JKAMP: variants seen among roughly 807,000 people sequenced by gnomAD.
The protein encoded by JKAMP is JNK1/MAPK8 associated membrane protein.
In JKAMP, 20 loss-of-function variants were observed where a neutral mutation model predicts 40.2. That is an observed-to-expected ratio of 0.50 (90% confidence interval 0.35 to 0.72). The LOEUF (loss-of-function observed/expected upper bound fraction) is 0.72, where lower values mean the gene tolerates loss of function less well. Among genes scored for constraint, JKAMP ranks in the 30% least tolerant of loss-of-function variants. JKAMP has a pLI of 0.01. For synonymous variants in JKAMP, 138 were observed against 131.6 expected (o/e 1.05, Z -0.33); for missense variants, 276 against 373.0 (o/e 0.74, Z 2.14).
intron 2 of JKAMP, chr14:59,487,404 T>C (rs1334120242): frequency 1.1e-5 from 3 of 265,530 alleles, no homozygotes; most frequent in African/African-American, 6.6e-5. Context: ...GTTATTCTTA[T>C]ATAATGTTAA....
intron 3 of JKAMP, among the ~76,000 whole-genome samples, chr14:59,488,140 C>A (rs1034584977): frequency 6.6e-6 from 1 of 151,854 alleles, no homozygotes; most frequent in Non-Finnish European, 1.5e-5. Flanking sequence ...TGTTATGGAA[C>A]ACATTCTTTG....
intron 4 of JKAMP, among the ~76,000 whole-genome samples, chr14:59,497,805 C>T (rs139626923): frequency 1.4e-3 from 216 of 152,250 alleles, no homozygotes; most frequent in African/African-American, 5.0e-3. Context: ...CATAGGAACA[C>T]AGGATTATGG....
At chr14:59,487,485 T>C in intron 2 of JKAMP, 189 bp from the exon 3 acceptor site, 1 of 463,422 alleles carries the variant, frequency 2.2e-6, no homozygotes, top group Non-Finnish European at 3.8e-6. Flanking sequence ...CTAAGAGCAT[T>C]GTACAAATAT....
intron 1 of JKAMP, chr14:59,485,245 A>G: frequency 1.1e-6 from 1 of 935,844 alleles, no homozygotes; most frequent in South Asian, 1.8e-5. Flanking sequence ...AAGCCCATAC[A>G]GAAGTTTCCA....
At chr14:59,487,875 A>G in intron 3 of JKAMP, 47 bp downstream of exon 3, 5 of 1,542,562 alleles carry the variant, frequency 3.2e-6, no homozygotes, top group Non-Finnish European at 4.5e-6. Context: ...ATGTTGGAAT[A>G]ATTATCACTC....
intron 3 of JKAMP, among the ~76,000 whole-genome samples, chr14:59,492,811 T>C (rs1017832176): frequency 6.6e-6 from 1 of 151,454 alleles, no homozygotes; most frequent in Non-Finnish European, 1.5e-5. Flanking sequence ...TTTTTTTTTT[T>C]TTTTTGAGAC....
At chr14:59,486,138 T>G (rs1162804715) in intron 1 of JKAMP, among the ~76,000 whole-genome samples, 1 of 152,208 alleles carries the variant, frequency 6.6e-6, no homozygotes, top group African/African-American at 2.4e-5. Context: ...ACAGCCTTGA[T>G]GAAATTTTCA....
intron 4 of JKAMP, among the ~76,000 whole-genome samples, chr14:59,496,486 T>C (rs1307178249): frequency 1.3e-5 from 2 of 152,172 alleles, no homozygotes; most frequent in East Asian, 1.9e-4. Context: ...ATCAGACTTA[T>C]TTAGCGATAG....
At chr14:59,487,572 A>G in intron 2 of JKAMP, 102 bp from the exon 3 acceptor site, 1 of 862,140 alleles carries the variant, frequency 1.2e-6, no homozygotes, top group South Asian at 1.9e-5. Flanking sequence ...ATGTAAACTT[A>G]AATATTTAAA....
intron 3 of JKAMP, among the ~76,000 whole-genome samples, chr14:59,492,365 A>G (rs949312875): frequency 5.3e-5 from 8 of 152,224 alleles, no homozygotes; most frequent in African/African-American, 1.7e-4. Flanking sequence ...ATGGAAAATC[A>G]GGTGCAAGAA....
chr14:59,495,871 G>GA (rs57576634), intron 4 of JKAMP, among the ~76,000 whole-genome samples: 7,120 of 152,168 alleles, frequency 0.047, 555 homozygotes, highest in African/African-American at 0.16. Flanking sequence ...AGATATCTTA[G>GA]AAAAAATGAA....
chr14:59,501,195 C>T lies in JKAMP; in HGVS notation c.645C>T (p.Tyr215=), dbSNP rs367624845. The change falls in exon 6 of 7, where the codon TAC becomes TAT. Residue 215 remains tyrosine, a synonymous_variant. Coordinates refer to ENST00000616435, the MANE Select transcript of JKAMP (RefSeq NM_016475.5). ...LQAVGGGLLY[Y]AFPYIILVLS... ...ATACCAATGCTTATCTTTCAGATTA[C>T]GCCTTCCCATACATTATATTAGTGT... The T allele has an allele frequency of 2.2e-4, 355 of 1,578,150 alleles. No individual in the cohort carries two copies. Among genetic ancestry groups the T allele is most frequent in the African/African-American group, 2.0e-3 (148 of 73,966 alleles).
chr14:59,491,035 G>A (rs1006818475), intron 3 of JKAMP, among the ~76,000 whole-genome samples: 1 of 152,192 alleles, frequency 6.6e-6, no homozygotes, highest in African/African-American at 2.4e-5. Context: ...GCTTTGCCTA[G>A]GAAATTGGTA....
At chr14:59,491,460 G>A (rs1890997653) in intron 3 of JKAMP, among the ~76,000 whole-genome samples, 1 of 152,184 alleles carries the variant, frequency 6.6e-6, no homozygotes, top group African/African-American at 2.4e-5. Flanking sequence ...CAAAGTAATG[G>A]CAAGAAATAA....
chr14:59,488,686 A>G (rs1385847647), intron 3 of JKAMP, among the ~76,000 whole-genome samples: 1 of 152,160 alleles, frequency 6.6e-6, no homozygotes, highest in Non-Finnish European at 1.5e-5. Context: ...TGGGAAGTCA[A>G]ATTCTGCCTT....
chr14:59,494,447 A>T (rs909047683), intron 3 of JKAMP, among the ~76,000 whole-genome samples: 3 of 152,320 alleles, frequency 2.0e-5, no homozygotes, highest in African/African-American at 7.2e-5. Context: ...TAGAAAAAAA[A>T]TCTCAGAAGA....
intron 3 of JKAMP, among the ~76,000 whole-genome samples, chr14:59,494,121 GGTGTGT>G (rs55831018): frequency 6.6e-6 from 1 of 150,964 alleles, no homozygotes; most frequent in Non-Finnish European, 1.5e-5. Context: ...AGAAAATTTG[GGTGTGT>G]GTGTGTGTGT....
chr14:59,493,015 G>A (rs1891146163), intron 3 of JKAMP, among the ~76,000 whole-genome samples: 1 of 151,258 alleles, frequency 6.6e-6, no homozygotes, highest in Non-Finnish European at 1.5e-5. Context: ...AGCCAGGATG[G>A]TCTTGATTTC....
intron 5 of JKAMP, among the ~76,000 whole-genome samples, chr14:59,499,953 A>G (rs778522039): frequency 6.6e-6 from 1 of 152,158 alleles, no homozygotes; most frequent in Non-Finnish European, 1.5e-5. Flanking sequence ...GCTCTAGGGA[A>G]TAGGGACCTG....
Sources: gnomAD v4.1 joint callset for allele counts (sites outside exome capture counted in the v4.1 genomes callset) on GRCh38, gnomAD v4.1.1 for gene constraint, MANE v1.5 for transcripts, NCBI Gene and HGNC (gene_info 2026-07-23, HGNC 2026-07-21) for gene names.